Variants in INPP5A observed in about 807,000 individuals in gnomAD.
INPP5A encodes inositol polyphosphate-5-phosphatase A.
INPP5A carries 14 observed loss-of-function variants against 65.2 expected under a neutral mutation model. The ratio of observed to expected loss-of-function variants is 0.21; its 90% confidence interval spans 0.14 to 0.34. The LOEUF is 0.34. Among genes scored for constraint, INPP5A ranks in the 10% least tolerant of loss-of-function variants. INPP5A has a pLI of 1.00. For synonymous variants in INPP5A, 207 were observed against 208.3 expected, an observed-to-expected ratio of 0.99 and a Z score of 0.05; for missense variants, 431 against 545.6, an observed-to-expected ratio of 0.79 and a Z score of 2.09.
At chr10:132,572,860 C>T (rs1042573172) in intron 1 of INPP5A, among the ~76,000 whole-genome samples, 1 of 152,236 alleles carries the variant, frequency 6.6e-6, no homozygotes, top group Non-Finnish European at 1.5e-5. Flanking sequence ...AGACCTGGGC[C>T]TCTGGAATCC....
chr10:132,728,296 C>G (rs1846020902), intron 9 of INPP5A, among the ~76,000 whole-genome samples: 1 of 152,264 alleles, frequency 6.6e-6, no homozygotes, highest in African/African-American at 2.4e-5. Flanking sequence ...TTCCATCCCG[C>G]TGCTGTGCTT....
intron 4 of INPP5A, among the ~76,000 whole-genome samples, chr10:132,680,642 T>G (rs540485379): frequency 6.6e-6 from 1 of 151,960 alleles, no homozygotes; most frequent in Non-Finnish European, 1.5e-5. Context: ...ACTCCCTCAG[T>G]TTGTAGGGAG....
rs906926710 is a variant in INPP5A, at chr10:132,651,289, C to T, written c.306+784C>T. On this transcript the variant is annotated intron_variant, in intron 4 of 15. Coordinates refer to ENST00000368594, the MANE Select transcript of INPP5A (RefSeq NM_005539.5). This position sits in a 1 kb window ranked among gnomAD's most constrained non-coding sequence, Gnocchi z 5.0. ...CCTGGGTCCCCCGGCCTGGGTCCATCTCCCCCGTCTCTGGGGAGGCCCTGG... is the reference window on the plus strand; with the variant it reads ...CCTGGGTCCCCCGGCCTGGGTCCATTTCCCCCGTCTCTGGGGAGGCCCTGG... Among the ~76,000 whole-genome samples the T allele has an allele frequency of 3.4e-5, 5 of 145,740 alleles. No homozygotes were observed. The highest frequency in any genetic ancestry group is 6.1e-5 in the Non-Finnish European group (4 of 65,644).
At chr10:132,738,288 C>T (rs1846212611) in intron 9 of INPP5A, among the ~76,000 whole-genome samples, 2 of 152,258 alleles carry the variant, frequency 1.3e-5, no homozygotes, top group South Asian at 4.1e-4. Context: ...TGTGTAGCCT[C>T]ATTCGTCCTC....
chr10:132,548,127 C>T (rs930633077), intron 1 of INPP5A, among the ~76,000 whole-genome samples: 2 of 152,030 alleles, frequency 1.3e-5, no homozygotes, highest in Non-Finnish European at 2.9e-5. Flanking sequence ...TGGTCTTGAA[C>T]TCCTGACCTT....
At position 132,697,470 on chromosome 10, in the gene INPP5A, G is replaced by A. The variant is rs1845362935; in HGVS notation, c.371-346G>A. ...AATCGATGTTATTAAATAAATTCAT[G>A]TGAAGGTCTGAGTGAATGGTAATTC... On this transcript the variant is annotated intron_variant, in intron 5 of 15. Transcript: ENST00000368594. The surrounding 1 kb of genome is among the most constrained non-coding windows in gnomAD (Gnocchi z 5.6). Among the ~76,000 whole-genome samples the A allele has an allele frequency of 6.6e-6, 1 of 152,260 alleles. No homozygotes were observed. The highest frequency in any genetic ancestry group is 2.4e-5 in the African/African-American group (1 of 41,472).
chr10:132,646,056 A>G lies in INPP5A; in HGVS notation c.218+88A>G, dbSNP rs1319576950. 35 of 836,830 alleles carry G rather than the reference A, an allele frequency of 4.2e-5. No homozygotes were observed. In the Admixed American group the frequency reaches 7.1e-4, roughly 17 times the overall value. 51.8% of individuals were successfully genotyped at this position (836,830 alleles called of 1,614,324 possible). On this transcript the variant is annotated intron_variant, in intron 3 of 15. Coordinates refer to ENST00000368594, the MANE Select transcript of INPP5A (RefSeq NM_005539.5). ...GTCTTTTCATGGTACTATGATCACC[A>G]GCCTCACCATTCGGGACTCACCTGG...
chr10:132,780,778 G>C (rs1177651758), intron 13 of INPP5A, 71 bp from the exon 14 acceptor site: 1 of 1,221,134 alleles, frequency 8.2e-7, no homozygotes, highest in East Asian at 2.3e-5. Context: ...TGATGTTCCT[G>C]CCAGTCAGCT....
rs61215011 is a variant in INPP5A, at chr10:132,619,996, G to A, written c.117+12040G>A. ...CTGTGCACCTACAGGCTTAACACCTGCATTTTTCAAAATGGCAGCCTGGGC... is the reference window on the plus strand; with the variant it reads ...CTGTGCACCTACAGGCTTAACACCTACATTTTTCAAAATGGCAGCCTGGGC... On this transcript the variant is annotated intron_variant, in intron 2 of 15. Transcript: ENST00000368594. Among the ~76,000 whole-genome samples, 444 of 152,304 alleles carry A rather than the reference G, an allele frequency of 2.9e-3. 2 individuals carry two copies. The highest frequency in any genetic ancestry group is 0.01 in the African/African-American group (425 of 41,556).
intron 2 of INPP5A, among the ~76,000 whole-genome samples, chr10:132,640,919 C>T (rs78899186): frequency 0.045 from 6,868 of 152,242 alleles, 271 homozygotes; most frequent in Non-Finnish European, 0.062. Context: ...TTCCTGGAAT[C>T]GGCCTCCGTC....
intron 1 of INPP5A, among the ~76,000 whole-genome samples, chr10:132,600,868 C>T (rs2071767082): frequency 6.6e-6 from 1 of 152,190 alleles, no homozygotes; most frequent in Admixed American, 6.5e-5. Context: ...ACGAGAATAG[C>T]ATGGGAAAGA....
chr10:132,556,059 C>T (rs1284150783), intron 1 of INPP5A, among the ~76,000 whole-genome samples: 2 of 152,052 alleles, frequency 1.3e-5, no homozygotes, highest in Admixed American at 6.5e-5. Flanking sequence ...AGTGGAGGAG[C>T]CGCCTTCACC....
At chr10:132,687,825 C>T (rs1207674484) in intron 4 of INPP5A, among the ~76,000 whole-genome samples, 1 of 152,236 alleles carries the variant, frequency 6.6e-6, no homozygotes, top group Admixed American at 6.5e-5. Context: ...GGTGTGTTCC[C>T]TTCCCCACCA....
At chr10:132,755,285 G>A (rs142474132) in intron 11 of INPP5A, among the ~76,000 whole-genome samples, 286 of 151,312 alleles carry the variant, frequency 1.9e-3, no homozygotes, top group Admixed American at 7.1e-3. Flanking sequence ...CTTCATGAGC[G>A]TGTGTGTGAG....
chr10:132,611,907 TGTGG>T (rs2071960636), intron 2 of INPP5A, among the ~76,000 whole-genome samples: 2 of 74,724 alleles, frequency 2.7e-5, no homozygotes, highest in Non-Finnish European at 5.2e-5. Context: ...CAGAGGAGGG[TGTGG>T]GAGGTGAGGG....
chr10:132,741,650 G>T lies in INPP5A; in HGVS notation c.733-7867G>T, dbSNP rs373238911. Among the ~76,000 whole-genome samples, 1 of 152,188 alleles carries T rather than the reference G, an allele frequency of 6.6e-6. No individual in the cohort carries two copies. The highest frequency in any genetic ancestry group is 2.4e-5 in the African/African-American group (1 of 41,446). On this transcript the variant is annotated intron_variant, in intron 9 of 15. Coordinates refer to ENST00000368594, the MANE Select transcript of INPP5A (RefSeq NM_005539.5). The surrounding 1 kb of genome is among the most constrained non-coding windows in gnomAD (Gnocchi z 4.4). ...CCAGAACAGGATACCCCGGAATGAA[G>T]GTGGACGTTGGTATCCGCGTCCGCT...
intron 13 of INPP5A, among the ~76,000 whole-genome samples, chr10:132,779,877 T>C (rs1847129067): frequency 6.6e-6 from 1 of 152,180 alleles, no homozygotes; most frequent in South Asian, 2.1e-4. Flanking sequence ...CGGTGACAAG[T>C]GTTCAGTGAG....
At chr10:132,578,677 T>G (rs1366898240) in intron 1 of INPP5A, among the ~76,000 whole-genome samples, 7 of 100,802 alleles carry the variant, frequency 6.9e-5, no homozygotes, top group Non-Finnish European at 1.1e-4. Context: ...GAGGAGAGTA[T>G]GTGGGGGCTG....
At chr10:132,628,458 G>T in intron 2 of INPP5A, among the ~76,000 whole-genome samples, 1 of 122,124 alleles carries the variant, frequency 8.2e-6, no homozygotes, top group African/African-American at 3.3e-5. Flanking sequence ...GATGTGCTCT[G>T]GTGGCGGGGG....
Sources: gnomAD v4.1 joint callset for allele counts (sites outside exome capture counted in the v4.1 genomes callset) on GRCh38, gnomAD v4.1.1 for gene constraint, Gnocchi (gnomAD v3.1) non-coding constraint, MANE v1.5 for transcripts, NCBI Gene and HGNC (gene_info 2026-07-23, HGNC 2026-07-21) for gene names.